CERKL: variants seen among roughly 807,000 people sequenced by gnomAD.
CERKL encodes CERK like autophagy regulator.
In CERKL, 61 loss-of-function variants were observed where a neutral mutation model predicts 63.4. The ratio of observed to expected loss-of-function variants is 0.96; its 90% CI spans 0.78 to 1.19. The LOEUF (loss-of-function observed/expected upper bound fraction) is 1.19, where lower values mean the gene tolerates loss of function less well. Among genes scored for constraint, CERKL ranks in the 50% most tolerant of loss-of-function variants. CERKL has a pLI of 0.00. For missense variants in CERKL, 675 were observed against 655.5 expected, an observed-to-expected ratio of 1.03 and a Z score of -0.33; for synonymous variants, 250 against 230.5, an observed-to-expected ratio of 1.08 and a Z score of -0.77.
Position 181,536,806 on chromosome 2 carries a change from G to C in CERKL, c.*1378C>G, listed in dbSNP as rs1261107869. On this transcript the variant is annotated 3_prime_UTR_variant, in exon 13 of 13. Coordinates refer to ENST00000410087, the MANE Select transcript of CERKL (RefSeq NM_201548.5). ...ATATTTATTTTATGCTTATGATCTA[G>C]ATAATTGCAGAATATCATTTTATCT... The C allele has an allele frequency of 3.3e-6, 1 of 303,404 alleles. No homozygotes were observed. The highest frequency in any genetic ancestry group is 6.5e-6 in the Non-Finnish European group (1 of 152,880). The allele number at this position is 303,404 out of a possible 1,614,324, so 18.8% of individuals were successfully genotyped here.
intron 1 of CERKL, among the ~76,000 whole-genome samples, chr2:181,638,114 A>T (rs534911755): frequency 6.6e-6 from 1 of 152,314 alleles, no homozygotes; most frequent in African/African-American, 2.4e-5. Context: ...CTTGAATTGG[A>T]AGTATCAGCA....
intron 1 of CERKL, among the ~76,000 whole-genome samples, chr2:181,634,485 A>G (rs1165065829): frequency 6.6e-6 from 1 of 152,140 alleles, no homozygotes; most frequent in African/African-American, 2.4e-5. Flanking sequence ...TGGTCTCATT[A>G]AGGTGAAAAA....
At chr2:181,618,259 A>G (rs1686290369) in intron 1 of CERKL, among the ~76,000 whole-genome samples, 1 of 74,604 alleles carries the variant, frequency 1.3e-5, no homozygotes, top group Admixed American at 1.8e-4. Flanking sequence ...CCTTAAACTT[A>G]CACAATATTT....
intron 6 of CERKL, 71 bp from the exon 7 acceptor site, chr2:181,548,928 G>A (rs1034329248): frequency 7.2e-7 from 1 of 1,391,516 alleles, no homozygotes; most frequent in Non-Finnish European, 1.0e-6. Flanking sequence ...ACATAAGAGA[G>A]CATATTTATT....
chr2:181,640,616 C>G (rs999448800), intron 1 of CERKL, among the ~76,000 whole-genome samples: 1 of 152,190 alleles, frequency 6.6e-6, no homozygotes, highest in African/African-American at 2.4e-5. Context: ...TCAACAAGGA[C>G]GGTCCATTTT....
intron 1 of CERKL, among the ~76,000 whole-genome samples, chr2:181,624,576 G>C (rs1030654377): frequency 1.3e-5 from 2 of 152,094 alleles, no homozygotes; most frequent in African/African-American, 4.8e-5. Context: ...AGACTGATGG[G>C]GGACATCGTT....
At chr2:181,572,746 C>T (rs993206535) in intron 3 of CERKL, among the ~76,000 whole-genome samples, 17 of 147,546 alleles carry the variant, frequency 1.2e-4, no homozygotes, top group African/African-American at 4.3e-4. Context: ...GTTATAGGCA[C>T]ATTTCATGGG....
At chr2:181,601,429 C>T (rs1470411218) in intron 2 of CERKL, among the ~76,000 whole-genome samples, 2 of 151,992 alleles carry the variant, frequency 1.3e-5, no homozygotes, top group Non-Finnish European at 2.9e-5. Flanking sequence ...GGCGTAGTGG[C>T]GGGTGCCTGT....
chr2:181,638,160 CA>C (rs1326328996), intron 1 of CERKL, among the ~76,000 whole-genome samples: 1 of 152,006 alleles, frequency 6.6e-6, no homozygotes, highest in African/African-American at 2.4e-5. Context: ...AAAAACAAAA[CA>C]AAAAAACCCA....
At chr2:181,611,429 C>G (rs951497047) in intron 1 of CERKL, among the ~76,000 whole-genome samples, 2 of 151,762 alleles carry the variant, frequency 1.3e-5, no homozygotes, top group Admixed American at 6.6e-5. Flanking sequence ...GAGGCTGAGG[C>G]AGGAGGATAA....
Position 181,547,732 on chromosome 2 carries a change from G to T in CERKL, c.1160-6C>A. ...TTGCCATTGATCATTACAGTCTAAA[G>T]GTAATGAAAGTGATTGGTTATTTTC... On this transcript the variant is annotated splice_polypyrimidine_tract_variant and splice_region_variant and intron_variant, in intron 9 of 12. Coordinates refer to ENST00000410087, the MANE Select transcript of CERKL (RefSeq NM_201548.5). The T allele has an allele frequency of 6.2e-7, 1 of 1,612,706 alleles. No homozygotes were observed. The highest frequency in any genetic ancestry group is 8.5e-7 in the Non-Finnish European group (1 of 1,178,750).
chr2:181,643,290 C>T (rs911974671), intron 1 of CERKL, among the ~76,000 whole-genome samples: 1 of 152,176 alleles, frequency 6.6e-6, no homozygotes, highest in African/African-American at 2.4e-5. Flanking sequence ...TAAACAGTAA[C>T]TCAGACATGT....
At chr2:181,568,876 C>T (rs191701630) in intron 3 of CERKL, among the ~76,000 whole-genome samples, 63 of 150,108 alleles carry the variant, frequency 4.2e-4, no homozygotes, top group African/African-American at 1.3e-3. Flanking sequence ...TGATATTCCC[C>T]TTCCTGTGTC....
At chr2:181,588,629 A>G (rs566447720) in intron 2 of CERKL, among the ~76,000 whole-genome samples, 27 of 152,196 alleles carry the variant, frequency 1.8e-4, no homozygotes, top group Non-Finnish European at 2.5e-4. Flanking sequence ...GCTGGATCAT[A>G]TGGTAGTTCT....
At chr2:181,653,957 T>C (rs1688039688) in intron 1 of CERKL, among the ~76,000 whole-genome samples, 1 of 152,188 alleles carries the variant, frequency 6.6e-6, no homozygotes, top group Non-Finnish European at 1.5e-5. Flanking sequence ...GAAGGATAAC[T>C]AACTACTTTG....
intron 11 of CERKL, among the ~76,000 whole-genome samples, chr2:181,541,514 C>T (rs997851146): frequency 2.6e-5 from 4 of 152,128 alleles, no homozygotes; most frequent in Non-Finnish European, 5.9e-5. Flanking sequence ...ATACAAAGGC[C>T]ACGTGTTCCA....
chr2:181,598,228 G>A (rs1373780829), intron 2 of CERKL, among the ~76,000 whole-genome samples: 1 of 152,158 alleles, frequency 6.6e-6, no homozygotes, highest in African/African-American at 2.4e-5. Flanking sequence ...CAGCAATGGA[G>A]GACATACAAG....
intron 2 of CERKL, among the ~76,000 whole-genome samples, chr2:181,601,386 C>T (rs1256135447): frequency 1.3e-5 from 2 of 152,148 alleles, no homozygotes; most frequent in Non-Finnish European, 2.9e-5. Flanking sequence ...ATGGCGAAAC[C>T]CCATCTCTAC....
At chr2:181,538,743 T>C (rs890400455) in intron 12 of CERKL, among the ~76,000 whole-genome samples, 2 of 152,168 alleles carry the variant, frequency 1.3e-5, no homozygotes, top group African/African-American at 4.8e-5. Context: ...TCTAACACTT[T>C]ACTATTCAGA....
Sources: allele counts gnomAD v4.1 joint callset (sites outside exome capture counted in the v4.1 genomes callset), GRCh38; gene constraint gnomAD v4.1.1; transcripts MANE v1.5; gene names NCBI Gene and HGNC (gene_info 2026-07-23, HGNC 2026-07-21).